Variants in INSR observed in about 807,000 individuals in gnomAD.
The protein encoded by INSR is insulin receptor, also known as IR.
A neutral mutation model predicts 142.6 loss-of-function variants in INSR; 67 were observed. That is an observed-to-expected ratio of 0.47 (90% confidence interval 0.39 to 0.58). The LOEUF (loss-of-function observed/expected upper bound fraction) is 0.58. Ranked by LOEUF, INSR falls within the 20% of genes least tolerant of loss-of-function variation. The probability of loss-of-function intolerance (pLI) is 0.00; values close to 1 mark genes in which losing one functional copy is unlikely to be tolerated. For synonymous variants in INSR, 756 were observed against 743.1 expected, an observed-to-expected ratio of 1.02 and a Z score of -0.28; for missense variants, 1,248 against 1,833.2, an observed-to-expected ratio of 0.68 and a Z score of 5.83.
chr19:7,112,413 T>C lies in INSR; in HGVS notation c.*4643A>G, dbSNP rs528576425. The C allele has an allele frequency of 6.6e-6, 1 of 152,222 alleles. No individual in the cohort carries two copies. The highest frequency in any genetic ancestry group is 2.1e-4 in the South Asian group (1 of 4,820). The allele number at this position is 152,222 out of a possible 1,614,324, so 9.4% of individuals were successfully genotyped here. A position where few individuals can be genotyped will look rare whatever the true frequency, so the allele number is the denominator to read the frequency against. ...CATTGAAAAAATAATAATTGAGCTG[T>C]TGGGGGGTTTTGTGTTTCTGAGTTG... On this transcript the variant is annotated 3_prime_UTR_variant, in exon 22 of 22. Coordinates refer to ENST00000302850, the MANE Select transcript of INSR (RefSeq NM_000208.4).
At chr19:7,155,167 T>C (rs1425659506) in intron 9 of INSR, among the ~76,000 whole-genome samples, 1 of 151,860 alleles carries the variant, frequency 6.6e-6, no homozygotes, top group East Asian at 1.9e-4. Flanking sequence ...CATCCACATA[T>C]CGTGGTGTAA....
At chr19:7,218,406 T>A (rs1404279264) in intron 2 of INSR, among the ~76,000 whole-genome samples, 2 of 152,160 alleles carry the variant, frequency 1.3e-5, no homozygotes, top group Non-Finnish European at 2.9e-5. Flanking sequence ...AATGTCACCC[T>A]GCTCAAAAGG....
intron 2 of INSR, among the ~76,000 whole-genome samples, chr19:7,215,654 G>A (rs1009456822): frequency 4.0e-5 from 6 of 151,786 alleles, no homozygotes; most frequent in Middle Eastern, 3.4e-3. Context: ...TGCAACCTTC[G>A]CCTCCCGGGT....
chr19:7,229,142 CTGAA>C (rs370154865), intron 2 of INSR, among the ~76,000 whole-genome samples: 159 of 139,714 alleles, frequency 1.1e-3, no homozygotes, highest in East Asian at 2.2e-3. Flanking sequence ...TGAAGGGTGA[CTGAA>C]TGAATGGATG....
In INSR at chr19:7,122,903, G is replaced by T; in HGVS notation, c.3345C>A (p.Leu1115=). The change falls in exon 18 of 22, where the codon CTC becomes CTA. Residue 1115 remains leucine, a synonymous_variant. Coordinates refer to ENST00000302850, the MANE Select transcript of INSR (RefSeq NM_000208.4). ...LMAHGDLKSY[L]RSLRPEAENN... ...CCTCAGCCTCTGGCCGCAGAGAACG[G>T]AGGTAGCTCTTCAGGTCTCCGTGAG... The T allele has an allele frequency of 1.2e-6, 2 of 1,608,606 alleles. No homozygotes were observed. The highest frequency in any genetic ancestry group is 2.2e-5 in the East Asian group (1 of 44,678).
Position 7,293,892 on chromosome 19 carries a change from G to A in INSR, c.-1C>T. On this transcript the variant is annotated 5_prime_UTR_variant, in exon 1 of 22. Coordinates refer to ENST00000302850, the MANE Select transcript of INSR (RefSeq NM_000208.4). ...CCCCCCGCCGGCCCCCGGTGGCCAT[G>A]GCTGCGGGAGCGCGGGGTCTCCTCG... 8.2e-7 allele frequency: 1 copy of A among 1,217,374 alleles called. No individual in the cohort carries two copies. The allele number at this position is 1,217,374 out of a possible 1,614,324, so 75.4% of individuals were successfully genotyped here. A position where few individuals can be genotyped will look rare whatever the true frequency, so the allele number is the denominator to read the frequency against.
At position 7,267,889 on chromosome 19, in the gene INSR, G is replaced by A; in HGVS notation, c.108C>T (p.Pro36=). 1.2e-6 allele frequency: 2 copies of A among 1,613,204 alleles called. No individual in the cohort carries two copies. The highest frequency in any genetic ancestry group is 1.7e-6 in the Non-Finnish European group (2 of 1,179,650). Reference sequence around the variant, plus strand: ...TGAGGTTGTTCCGGATATCCATGCCGGGACACACTACAAGAGAAAATGAAC... The same window carrying A: ...TGAGGTTGTTCCGGATATCCATGCCAGGACACACTACAAGAGAAAATGAAC... ...AGHLYPGEVC[P]GMDIRNNLTR... is the part of the protein sequence containing the mutation. The change falls in exon 2 of 22, where the codon CCC becomes CCT. Residue 36 remains proline (P), a synonymous_variant. Coordinates refer to ENST00000302850, the MANE Select transcript of INSR (RefSeq NM_000208.4). The surrounding 1 kb of genome is among the most constrained non-coding windows in gnomAD (Gnocchi z 6.3).
intron 1 of INSR, chr19:7,268,440 G>T: frequency 1.0e-6 from 1 of 985,226 alleles, no homozygotes; most frequent in Non-Finnish European, 1.2e-6. Context: ...TTCCCAGGGA[G>T]CCCGATCTCC....
intron 2 of INSR, among the ~76,000 whole-genome samples, chr19:7,254,686 AAC>A (rs1272574375): frequency 6.6e-6 from 1 of 152,196 alleles, no homozygotes; most frequent in African/African-American, 2.4e-5. Flanking sequence ...CATTGAGAGA[AAC>A]AGATCACTGA....
chr19:7,289,661 C>A (rs1419246277), intron 1 of INSR, among the ~76,000 whole-genome samples: 2 of 152,102 alleles, frequency 1.3e-5, no homozygotes, highest in African/African-American at 4.8e-5. Flanking sequence ...CCACCTCAGC[C>A]TCCCAAGGTG....
intron 11 of INSR, among the ~76,000 whole-genome samples, chr19:7,144,461 C>T (rs780286784): frequency 6.6e-6 from 1 of 152,064 alleles, no homozygotes; most frequent in African/African-American, 2.4e-5. Context: ...TGGAGTGCGA[C>T]GGCGTGATCT....
intron 13 of INSR, among the ~76,000 whole-genome samples, chr19:7,136,442 C>A (rs753819985): frequency 5.9e-5 from 9 of 152,152 alleles, no homozygotes; most frequent in Non-Finnish European, 1.2e-4. Context: ...AGGGAGCCCT[C>A]AGTCCTGGCT....
chr19:7,122,629 T>C lies in INSR; in HGVS notation c.3514A>G (p.Thr1172Ala). ...ARNCMVAHDF[T>A]VKIGDFGMTR... ...CCAGACGAACCTCCAATTTTGACAG[T>C]AAAATCATGGGCGACCATGCAGTTT... Residue 1172 changes from threonine to alanine, a missense_variant, in exon 19 of 22, where the codon ACT becomes GCT. Thr to Ala is a moderately conservative substitution (Grantham distance 58). This residue lies in a region of INSR where 1,069 missense variants were observed against 1,654.0 expected (regional missense o/e 0.65). Coordinates refer to ENST00000302850, the MANE Select transcript of INSR (RefSeq NM_000208.4). The C allele has an allele frequency of 6.2e-7, 1 of 1,614,128 alleles. No individual in the cohort carries two copies. Among genetic ancestry groups the C allele is most frequent in the Admixed American group, 1.7e-5 (1 of 60,016 alleles).
At chr19:7,156,791 T>C (rs1973605130) in intron 9 of INSR, among the ~76,000 whole-genome samples, 1 of 138,314 alleles carries the variant, frequency 7.2e-6, no homozygotes, top group African/African-American at 2.7e-5. Context: ...TCTTTTTTTT[T>C]TTTTTTTTTT....
chr19:7,293,318 G>A (rs1359650599), intron 1 of INSR, among the ~76,000 whole-genome samples: 1 of 152,140 alleles, frequency 6.6e-6, no homozygotes, highest in Non-Finnish European at 1.5e-5. Flanking sequence ...TGCAGTCCCT[G>A]ACCCCAGGCA....
chr19:7,125,177 G>A lies in INSR; in HGVS notation c.3258+106C>T. ...GGAAGCTTAGTGGAGTGAGGGGTGG[G>A]TAGGAGGTTACACCCTGTGTCCTCT... is the stretch of plus-strand genomic sequence containing the variant. On this transcript the variant is annotated intron_variant, in intron 17 of 21. Transcript: ENST00000302850. The surrounding 1 kb of genome is among the most constrained non-coding windows in gnomAD (Gnocchi z 4.9). 4.4e-6 allele frequency: 6 copies of A among 1,360,852 alleles called. No individual in the cohort carries two copies. Among genetic ancestry groups the A allele is most frequent in the Non-Finnish European group, 6.2e-6 (6 of 967,038 alleles). The allele number at this position is 1,360,852 out of a possible 1,614,324, so 84.3% of individuals were successfully genotyped here. A position where few individuals can be genotyped will look rare whatever the true frequency, so the allele number is the denominator to read the frequency against.
At chr19:7,242,932 A>G (rs1485470012) in intron 2 of INSR, among the ~76,000 whole-genome samples, 1 of 152,070 alleles carries the variant, frequency 6.6e-6, no homozygotes, top group African/African-American at 2.4e-5. Flanking sequence ...GGCTACTGCT[A>G]AAGCAGAGAA....
At chr19:7,257,012 G>A (rs909991193) in intron 2 of INSR, among the ~76,000 whole-genome samples, 2 of 146,192 alleles carry the variant, frequency 1.4e-5, no homozygotes, top group South Asian at 2.2e-4. Context: ...GCACAATCTC[G>A]GCTCACTGCA....
chr19:7,135,090 TAA>T (rs5826960), intron 13 of INSR, among the ~76,000 whole-genome samples: 4 of 78,440 alleles, frequency 5.1e-5, no homozygotes, highest in East Asian at 5.2e-4. Flanking sequence ...AAAGAAATGT[TAA>T]AAAAAAAAAA....
Sources: gnomAD v4.1 joint callset for allele counts (sites outside exome capture counted in the v4.1 genomes callset) on GRCh38, gnomAD v4.1.1 for gene constraint, gnomAD v4.1.1 regional missense constraint, Gnocchi (gnomAD v3.1) non-coding constraint, MANE v1.5 for transcripts, NCBI Gene and HGNC (gene_info 2026-07-23, HGNC 2026-07-21) for gene names.